Variants in STX18 observed in about 807,000 individuals in gnomAD.
STX18 encodes the protein syntaxin-18.
In STX18, 40 loss-of-function variants were observed where a neutral mutation model predicts 50.1. That is an observed-to-expected ratio of 0.80 (90% CI 0.62 to 1.04). STX18 has a LOEUF of 1.04. Among genes scored for constraint, STX18 ranks in the 50% least tolerant of loss-of-function variants. The probability of loss-of-function intolerance (pLI) is 0.00; values close to 1 mark genes in which losing one functional copy is unlikely to be tolerated. For missense variants in STX18, 410 were observed against 415.8 expected (o/e 0.99, Z 0.12); for synonymous variants, 158 against 151.8 (o/e 1.04, Z -0.30).
At chr4:4,479,797 A>G (rs1728368476) in intron 1 of STX18, among the ~76,000 whole-genome samples, 1 of 152,204 alleles carries the variant, frequency 6.6e-6, no homozygotes, top group Non-Finnish European at 1.5e-5. Flanking sequence ...AGGGGGAAAA[A>G]AAGACTCTCT....
At chr4:4,488,260 C>G (rs1728782463) in intron 1 of STX18, among the ~76,000 whole-genome samples, 1 of 151,846 alleles carries the variant, frequency 6.6e-6, no homozygotes, top group Non-Finnish European at 1.5e-5. Flanking sequence ...CATAAGCACT[C>G]AAAAACACAA....
chr4:4,455,976 T>C (rs1256261150), intron 5 of STX18, among the ~76,000 whole-genome samples: 2 of 152,118 alleles, frequency 1.3e-5, no homozygotes, highest in South Asian at 4.1e-4. Flanking sequence ...TGGGGACCCC[T>C]GACACAGTAA....
chr4:4,465,738 C>G (rs1208770661), intron 2 of STX18, among the ~76,000 whole-genome samples: 1 of 152,172 alleles, frequency 6.6e-6, no homozygotes, highest in Non-Finnish European at 1.5e-5. Context: ...AACAAACCTG[C>G]ACATCCTACA....
chr4:4,447,382 G>A (rs978052617), intron 5 of STX18, among the ~76,000 whole-genome samples: 5 of 151,702 alleles, frequency 3.3e-5, no homozygotes, highest in Non-Finnish European at 7.4e-5. Flanking sequence ...GAGGTCAGGA[G>A]ATCGAGACCA....
intron 1 of STX18, among the ~76,000 whole-genome samples, chr4:4,510,561 T>C (rs1348190434): frequency 1.3e-5 from 2 of 152,202 alleles, no homozygotes; most frequent in Non-Finnish European, 2.9e-5. Context: ...GGTGGGAGTG[T>C]AAATTAGTTC....
Position 4,420,367 on chromosome 4 carries a change from C to A in STX18, c.913-238G>T, listed in dbSNP as rs1002034152. On this transcript the variant is annotated intron_variant, in intron 10 of 10. Coordinates refer to ENST00000306200, the MANE Select transcript of STX18 (RefSeq NM_016930.4). The surrounding 1 kb of genome is among the most constrained non-coding windows in gnomAD (Gnocchi z 4.3). ...CACAATTCTCCCTCAACACAACTCTCGGAATCACTCCCTTCTGTCCCAGGG... is the reference window on the plus strand; with the variant it reads ...CACAATTCTCCCTCAACACAACTCTAGGAATCACTCCCTTCTGTCCCAGGG... 2 of 512,048 alleles carry A rather than the reference C, an allele frequency of 3.9e-6. No homozygotes were observed. Among genetic ancestry groups the A allele is most frequent in the Non-Finnish European group, 7.1e-6 (2 of 282,986 alleles). 31.7% of individuals were successfully genotyped at this position (512,048 alleles called of 1,614,324 possible). A position where few individuals can be genotyped will look rare whatever the true frequency, so the allele number is the denominator to read the frequency against.
At chr4:4,421,445 G>A (rs193191463) in intron 9 of STX18, among the ~76,000 whole-genome samples, 2 of 152,134 alleles carry the variant, frequency 1.3e-5, no homozygotes, top group East Asian at 3.9e-4. Flanking sequence ...TAGAGATGGG[G>A]GGTCTCCCTA....
intron 7 of STX18, among the ~76,000 whole-genome samples, chr4:4,429,455 T>A (rs1232354579): frequency 1.3e-5 from 2 of 152,330 alleles, no homozygotes; most frequent in Non-Finnish European, 2.9e-5. Context: ...CAGTATAAAA[T>A]GACGCCAAGA....
At position 4,541,807 on chromosome 4, in the gene STX18, G is replaced by T. The variant is rs1026173058; in HGVS notation, c.158C>A (p.Ala53Asp). 1.9e-6 allele frequency: 3 copies of T among 1,608,362 alleles called. No homozygotes were observed. The African/African-American group carries it at 4.0e-5, about 22-fold the overall frequency. ...PRPKGDFSSR[A>D]REVISHIGKL... ...TAGCAACCAGCTCACCACTTCGCGG[G>T]CCCGGCTGGAGAAGTCGCCCTTGGG... The change falls in exon 1 of 11, where the codon GCC becomes GAC. Residue 53 changes from alanine (A) to aspartate (D), a missense_variant. By Grantham distance (126) the Ala-to-Asp change is moderately radical (BLOSUM62 -2). Transcript: ENST00000306200.
At chr4:4,464,953 G>T (rs759850536) in intron 2 of STX18, among the ~76,000 whole-genome samples, 1 of 151,580 alleles carries the variant, frequency 6.6e-6, no homozygotes, top group Non-Finnish European at 1.5e-5. Flanking sequence ...TCTGATCTTG[G>T]TTATTTCTTG....
At chr4:4,447,555 C>A in intron 5 of STX18, among the ~76,000 whole-genome samples, 1 of 125,960 alleles carries the variant, frequency 7.9e-6, no homozygotes. Flanking sequence ...CGCGCCACTG[C>A]ACTCCAGCCT....
intron 8 of STX18, 26 bp downstream of exon 8, chr4:4,425,137 CA>C (rs1265856920): frequency 6.3e-7 from 1 of 1,598,074 alleles, no homozygotes; most frequent in Non-Finnish European, 8.6e-7. Flanking sequence ...AGCAGGCTAT[CA>C]GCTCACAGAG....
Position 4,428,939 on chromosome 4 carries a change from T to C in STX18, c.703-3717A>G, listed in dbSNP as rs1328193626. On this transcript the variant is annotated intron_variant, in intron 7 of 10. Transcript: ENST00000306200. ...TACGGTGGGCAGGTTGGGCCCTCCATGCATGGTGGTTGCCAGCCGCTGCTC... is the reference window on the plus strand; with the variant it reads ...TACGGTGGGCAGGTTGGGCCCTCCACGCATGGTGGTTGCCAGCCGCTGCTC... Among the ~76,000 whole-genome samples the C allele has an allele frequency of 2.0e-5, 3 of 152,218 alleles. No individual in the cohort carries two copies. In the East Asian group the frequency reaches 5.8e-4, roughly 29 times the overall value.
intron 6 of STX18, among the ~76,000 whole-genome samples, chr4:4,435,102 G>A (rs772575264): frequency 1.5e-4 from 23 of 152,100 alleles, no homozygotes; most frequent in Admixed American, 2.0e-4. Flanking sequence ...ACCTATGCAC[G>A]GTTTCAGTAT....
upstream of STX18, chr4:4,542,100 T>C (rs907452184): frequency 1.7e-6 from 2 of 1,153,216 alleles, no homozygotes; most frequent in Admixed American, 3.9e-5. Context: ...GAAGAAAGGT[T>C]CCGGCCTGCG....
intron 1 of STX18, among the ~76,000 whole-genome samples, chr4:4,519,076 T>C (rs2369117): frequency 9.9e-5 from 15 of 152,096 alleles, no homozygotes; most frequent in African/African-American, 3.6e-4. Context: ...ACAGAGACAA[T>C]AAAATATCAT....
intron 5 of STX18, among the ~76,000 whole-genome samples, chr4:4,443,895 A>T (rs1385131722): frequency 6.6e-6 from 1 of 152,240 alleles, no homozygotes; most frequent in Non-Finnish European, 1.5e-5. Flanking sequence ...TAAAGGGATG[A>T]CTCAGCAGGT....
intron 1 of STX18, among the ~76,000 whole-genome samples, chr4:4,516,152 T>C (rs947166403): frequency 1.3e-5 from 2 of 152,234 alleles, no homozygotes; most frequent in Non-Finnish European, 2.9e-5. Context: ...GAAAAGGTAA[T>C]TGAACACAGT....
At chr4:4,453,554 G>A (rs1246435363) in intron 5 of STX18, 1 of 462,008 alleles carries the variant, frequency 2.2e-6, no homozygotes, top group Non-Finnish European at 2.8e-6. Context: ...ATATGCACTG[G>A]GAAACCAAAA....
Sources: gnomAD v4.1 joint callset for allele counts (sites outside exome capture counted in the v4.1 genomes callset) on GRCh38, gnomAD v4.1.1 for gene constraint, Gnocchi (gnomAD v3.1) non-coding constraint, MANE v1.5 for transcripts, NCBI Gene and HGNC (gene_info 2026-07-23, HGNC 2026-07-21) for gene names.